Variants in GSK3B observed in about 807,000 individuals in gnomAD.
GSK3B encodes the protein glycogen synthase kinase 3 beta, also known as glycogen synthase kinase-3 beta.
GSK3B carries 15 observed loss-of-function variants against 56.4 expected under a neutral mutation model. That is an observed-to-expected ratio of 0.27 (90% confidence interval 0.18 to 0.41). The LOEUF is 0.41. Ranked by LOEUF, GSK3B falls within the 10% of genes least tolerant of loss-of-function variation. The pLI, the probability that GSK3B is intolerant of heterozygous loss-of-function variation, is 1.00. For synonymous variants in GSK3B, 181 were observed against 188.9 expected (o/e 0.96, Z 0.34); for missense variants, 300 against 513.4 (o/e 0.58, Z 4.02).
chr3:119,879,691 A>T (rs994830409), intron 7 of GSK3B, among the ~76,000 whole-genome samples: 1 of 151,972 alleles, frequency 6.6e-6, no homozygotes, highest in African/African-American at 2.4e-5. Context: ...CCCTATCTCC[A>T]TGAGTTCAAT....
At chr3:119,969,254 C>T (rs1456891002) in intron 2 of GSK3B, among the ~76,000 whole-genome samples, 3 of 150,014 alleles carry the variant, frequency 2.0e-5, no homozygotes, top group Non-Finnish European at 3.0e-5. Flanking sequence ...ATTGCGCCAA[C>T]GTACTCCAGC....
intron 3 of GSK3B, among the ~76,000 whole-genome samples, chr3:119,946,809 C>G (rs753593380): frequency 2.0e-5 from 3 of 152,154 alleles, no homozygotes; most frequent in Non-Finnish European, 2.9e-5. Flanking sequence ...AACTTTTTCA[C>G]TGGCCAAGGA....
intron 1 of GSK3B, among the ~76,000 whole-genome samples, chr3:120,079,034 C>A (rs923751839): frequency 1.0e-4 from 15 of 145,590 alleles, no homozygotes; most frequent in African/African-American, 3.3e-4. Context: ...TCTGCTTTGC[C>A]AGGTTCAAAC....
At chr3:119,966,660 T>C (rs186070469) in intron 2 of GSK3B, among the ~76,000 whole-genome samples, 18 of 152,092 alleles carry the variant, frequency 1.2e-4, no homozygotes, top group African/African-American at 3.9e-4. Context: ...TACAGAAAAA[T>C]AGAAATTAAA....
At chr3:120,054,992 G>T (rs1310278248) in intron 1 of GSK3B, among the ~76,000 whole-genome samples, 2 of 152,124 alleles carry the variant, frequency 1.3e-5, no homozygotes, top group African/African-American at 2.4e-5. Flanking sequence ...GACACCTAAA[G>T]AAATCATCAA....
At chr3:119,859,179 G>GCA (rs1553725260) in intron 9 of GSK3B, among the ~76,000 whole-genome samples, 49 of 68,506 alleles carry the variant, frequency 7.2e-4, no homozygotes, top group Non-Finnish European at 1.6e-3. Flanking sequence ...TTTTATTTGT[G>GCA]TATATAAAAA....
intron 1 of GSK3B, among the ~76,000 whole-genome samples, chr3:120,091,814 C>T (rs1021445891): frequency 1.3e-5 from 2 of 150,572 alleles, no homozygotes; most frequent in African/African-American, 2.5e-5. Context: ...TCTCTACTTG[C>T]AAGCCACAAG....
chr3:119,959,506 CTTT>C (rs34702117), intron 2 of GSK3B, among the ~76,000 whole-genome samples: 2,410 of 89,186 alleles, frequency 0.027, 85 homozygotes, highest in African/African-American at 0.085. Context: ...TTCTCTCTGA[CTTT>C]TTTTTTTTTT....
chr3:119,924,584 G>C (rs190275337), intron 3 of GSK3B, among the ~76,000 whole-genome samples: 18 of 152,274 alleles, frequency 1.2e-4, no homozygotes, highest in African/African-American at 4.3e-4. Context: ...TGTAAGAGTA[G>C]AGCAGAGATT....
Position 119,823,791 on chromosome 3 carries a change from T to C in GSK3B, c.*2997A>G, listed in dbSNP as rs1192718923. On this transcript the variant is annotated 3_prime_UTR_variant, in exon 11 of 11. Transcript: ENST00000264235. ...TTCCTCTTCCCACTCCTGAGTATGGTATCACTGAAACTTAACTGTGGAAGG... is the reference window on the plus strand; with the variant it reads ...TTCCTCTTCCCACTCCTGAGTATGGCATCACTGAAACTTAACTGTGGAAGG... 1 of 198,706 alleles carries C rather than the reference T, an allele frequency of 5.0e-6. No individual in the cohort carries two copies. The highest frequency in any genetic ancestry group is 1.0e-5 in the Non-Finnish European group (1 of 96,090). 12.3% of individuals were successfully genotyped at this position (198,706 alleles called of 1,614,324 possible). A position where few individuals can be genotyped will look rare whatever the true frequency, so the allele number is the denominator to read the frequency against.
intron 10 of GSK3B, among the ~76,000 whole-genome samples, chr3:119,836,067 A>C (rs987025885): frequency 6.6e-6 from 1 of 152,218 alleles, no homozygotes. Context: ...GGTGAAAATA[A>C]TTGTAATTGT....
chr3:119,846,772 C>T (rs1376148366), intron 9 of GSK3B, among the ~76,000 whole-genome samples: 1 of 152,162 alleles, frequency 6.6e-6, no homozygotes, highest in Non-Finnish European at 1.5e-5. Context: ...TTGACCCAGC[C>T]ATCCCATTAC....
At chr3:120,082,445 G>T (rs2058428676) in intron 1 of GSK3B, among the ~76,000 whole-genome samples, 1 of 129,160 alleles carries the variant, frequency 7.7e-6, no homozygotes, top group African/African-American at 3.0e-5. Context: ...CACCCAGGCT[G>T]GAGTGCAGTG....
intron 3 of GSK3B, among the ~76,000 whole-genome samples, chr3:119,927,348 C>T (rs1340421762): frequency 6.6e-6 from 1 of 151,912 alleles, no homozygotes; most frequent in Non-Finnish European, 1.5e-5. Flanking sequence ...AGAATGAATG[C>T]AGGGTGAGCA....
intron 2 of GSK3B, among the ~76,000 whole-genome samples, chr3:119,998,941 C>A (rs1342939937): frequency 3.3e-5 from 5 of 152,174 alleles, no homozygotes; most frequent in Admixed American, 3.3e-4. Context: ...TGGATAAAAT[C>A]TAACTGGAAG....
At position 120,029,001 on chromosome 3, in the gene GSK3B, TC is replaced by T. The variant is rs2057953288; in HGVS notation, c.89-26763del. 5 of 612,978 alleles carry T rather than the reference TC, an allele frequency of 8.2e-6. No individual in the cohort carries two copies. The South Asian group carries it at 9.6e-5, about 12-fold the overall frequency. 38.0% of individuals were successfully genotyped at this position (612,978 alleles called of 1,614,324 possible). On this transcript the variant is annotated intron_variant, in intron 1 of 10. Coordinates refer to ENST00000264235, the MANE Select transcript of GSK3B (RefSeq NM_001146156.2). ...CTCCTGTGGAAGAAACGGCCTTTTATCCTTCTTTGTATCCTATAGGGACTCT... is the reference window on the plus strand; with the variant it reads ...CTCCTGTGGAAGAAACGGCCTTTTATCTTCTTTGTATCCTATAGGGACTCT...
At chr3:119,882,672 C>T (rs895822228) in intron 7 of GSK3B, among the ~76,000 whole-genome samples, 6 of 152,000 alleles carry the variant, frequency 3.9e-5, no homozygotes, top group African/African-American at 7.2e-5. Context: ...AGAAAATGCA[C>T]GTAGAAAATC....
At chr3:120,031,720 T>C (rs796793557) in intron 1 of GSK3B, among the ~76,000 whole-genome samples, 5 of 152,302 alleles carry the variant, frequency 3.3e-5, no homozygotes, top group African/African-American at 1.2e-4. Flanking sequence ...TCTAAGCCTA[T>C]ACTCTTTCCA....
At chr3:119,993,786 T>C (rs1223302943) in intron 2 of GSK3B, among the ~76,000 whole-genome samples, 1 of 152,242 alleles carries the variant, frequency 6.6e-6, no homozygotes, top group African/African-American at 2.4e-5. Flanking sequence ...CGTGTGAATA[T>C]GCTTGCACAC....
Sources: gnomAD v4.1 joint callset for allele counts (sites outside exome capture counted in the v4.1 genomes callset) on GRCh38, gnomAD v4.1.1 for gene constraint, MANE v1.5 for transcripts, NCBI Gene and HGNC (gene_info 2026-07-23, HGNC 2026-07-21) for gene names.